The following GPM6B variants were observed in gnomAD, a reference collection of about 807,000 sequenced individuals.
GPM6B encodes the protein glycoprotein M6B.
A neutral mutation model predicts 27.2 loss-of-function variants in GPM6B; 4 were observed. That is an observed-to-expected ratio of 0.15 (90% CI 0.07 to 0.34). The LOEUF is 0.34. Ranked by LOEUF, GPM6B falls within the 10% of genes least tolerant of loss-of-function variation. The pLI is 1.00. For missense variants in GPM6B, 183 were observed against 261.9 expected (o/e 0.70, Z 2.08); for synonymous variants, 124 against 103.1 (o/e 1.20, Z -1.23).
At chrX:13,806,740 C>T (rs989707298) in intron 2 of GPM6B, among the ~76,000 whole-genome samples, 1 of 112,219 alleles carries the variant, frequency 8.9e-6, no homozygotes, top group African/African-American at 3.2e-5. Context: ...TACATTTACT[C>T]CTGAAAAAGT....
intron 1 of GPM6B, among the ~76,000 whole-genome samples, chrX:13,829,162 T>TC (rs1258543270): frequency 1.4e-4 from 16 of 111,607 alleles, no homozygotes; most frequent in East Asian, 1.1e-3. Flanking sequence ...AATCTGGAGT[T>TC]CCCCTTCAAA....
chrX:13,823,355 G>T (rs1412404439), intron 1 of GPM6B, among the ~76,000 whole-genome samples: 1 of 112,110 alleles, frequency 8.9e-6, no homozygotes, highest in African/African-American at 3.2e-5. Flanking sequence ...TGGAACCTCT[G>T]TTAGCCAGTC....
chrX:13,783,433 T>G lies in GPM6B; in HGVS notation c.457A>C (p.Thr153Pro), dbSNP rs749402933. ...CCGTGCAGTTCTTTCACTGCACTTG[T>G]GGTGTAAAAGCCTTCTGCCAACAGA... ...IILLAEGFYT[T>P]SAVKELHGEF... Residue 153 changes from threonine to proline, a missense_variant, in exon 4 of 8, where the codon ACA becomes CCA. Physicochemically the swap from Thr to Pro is conservative, Grantham distance 38. Coordinates refer to ENST00000316715, the MANE Select transcript of GPM6B (RefSeq NM_001001995.3). 1.7e-6 allele frequency: 2 copies of G among 1,205,636 alleles called. No individual in the cohort carries two copies. Among genetic ancestry groups the G allele is most frequent in the South Asian group, 3.5e-5 (2 of 56,576 alleles).
intron 1 of GPM6B, among the ~76,000 whole-genome samples, chrX:13,894,172 G>C (rs1210794566): frequency 2.7e-5 from 3 of 111,902 alleles, no homozygotes; most frequent in Non-Finnish European, 5.6e-5. Flanking sequence ...AAGGAAGACA[G>C]GGAAGCAAAG....
chrX:13,804,419 G>GA (rs1466614332), intron 2 of GPM6B, among the ~76,000 whole-genome samples: 5 of 80,169 alleles, frequency 6.2e-5, no homozygotes, highest in African/African-American at 2.4e-4. Context: ...ATGGACGGCG[G>GA]GGGGGGCGGG....
intron 1 of GPM6B, among the ~76,000 whole-genome samples, chrX:13,862,060 C>T (rs2049858909): frequency 9.1e-6 from 1 of 110,477 alleles, no homozygotes; most frequent in South Asian, 3.9e-4. Context: ...TGTAAATGTG[C>T]GTGGGTGGGG....
intron 1 of GPM6B, among the ~76,000 whole-genome samples, chrX:13,932,641 G>A (rs1921632980): frequency 9.0e-6 from 1 of 111,585 alleles, no homozygotes; most frequent in African/African-American, 3.3e-5. Flanking sequence ...CTTAGAGACT[G>A]GCACATGCTA....
intron 1 of GPM6B, among the ~76,000 whole-genome samples, chrX:13,871,526 T>A (rs1277220073): frequency 2.7e-5 from 3 of 112,168 alleles, no homozygotes; most frequent in Non-Finnish European, 5.6e-5. Flanking sequence ...AGTGTGGCCC[T>A]TAGACCAGCA....
intron 1 of GPM6B, among the ~76,000 whole-genome samples, chrX:13,898,716 G>A (rs1358284111): frequency 1.8e-5 from 2 of 112,206 alleles, no homozygotes; most frequent in African/African-American, 3.2e-5. Context: ...GGTTTGATGT[G>A]TGCTCTTTAT....
chrX:13,773,978 TTC>T, intron 7 of GPM6B: 1 of 726,725 alleles, frequency 1.4e-6, no homozygotes, highest in Non-Finnish European at 1.6e-6. Context: ...TTTTTTTTTT[TTC>T]CAGAGAACTG....
At chrX:13,820,947 C>T (rs1354265656), upstream of GPM6B, among the ~76,000 whole-genome samples, 1 of 110,969 alleles carries the variant, frequency 9.0e-6, no homozygotes, top group African/African-American at 3.3e-5. Context: ...AAAGGAAAAA[C>T]TTTAAAAAGA....
intron 1 of GPM6B, among the ~76,000 whole-genome samples, chrX:13,842,018 T>C (rs2049582227): frequency 8.9e-6 from 1 of 112,290 alleles, no homozygotes; most frequent in African/African-American, 3.2e-5. Flanking sequence ...CACCATGTCA[T>C]AGGTCTATGT....
At chrX:13,930,094 C>T (rs866909470) in intron 1 of GPM6B, among the ~76,000 whole-genome samples, 1 of 111,840 alleles carries the variant, frequency 8.9e-6, no homozygotes, top group African/African-American at 3.2e-5. Context: ...GGTTTAAATA[C>T]TTTTTCTTTT....
At chrX:13,878,177 G>GT (rs2050058823) in intron 1 of GPM6B, among the ~76,000 whole-genome samples, 1 of 109,352 alleles carries the variant, frequency 9.1e-6, no homozygotes, top group African/African-American at 3.3e-5. Context: ...AAAATCAAAG[G>GT]AATCTCCCAA....
intron 1 of GPM6B, among the ~76,000 whole-genome samples, chrX:13,825,402 G>C (rs918187597): frequency 3.6e-5 from 4 of 112,237 alleles, no homozygotes; most frequent in Non-Finnish European, 5.6e-5. Flanking sequence ...AAGGTACAGA[G>C]GAGAAAACCT....
chrX:13,827,513 G>A (rs1362878413), intron 1 of GPM6B, among the ~76,000 whole-genome samples: 1 of 110,843 alleles, frequency 9.0e-6, no homozygotes, highest in African/African-American at 3.3e-5. Flanking sequence ...CTCCCTGGAT[G>A]GCAGTTCCCT....
intron 1 of GPM6B, among the ~76,000 whole-genome samples, chrX:13,923,063 C>T (rs947833806): frequency 9.0e-6 from 1 of 111,293 alleles, no homozygotes; most frequent in African/African-American, 3.3e-5. Context: ...GTAATCTTAG[C>T]TACTTGGGAG....
upstream of GPM6B, among the ~76,000 whole-genome samples, chrX:13,821,139 T>C (rs1240418552): frequency 9.0e-6 from 1 of 111,372 alleles, no homozygotes; most frequent in Non-Finnish European, 1.9e-5. Flanking sequence ...TACCACCAAA[T>C]AGCCTTTGGA....
chrX:13,808,119 A>G (rs769586189), intron 1 of GPM6B, among the ~76,000 whole-genome samples: 2 of 109,622 alleles, frequency 1.8e-5, no homozygotes, highest in Non-Finnish European at 1.9e-5. Context: ...CAGAGCACTA[A>G]CAGAGCACTA....
Sources: gnomAD v4.1 joint callset for allele counts (sites outside exome capture counted in the v4.1 genomes callset) on GRCh38, gnomAD v4.1.1 for gene constraint, MANE v1.5 for transcripts, NCBI Gene and HGNC (gene_info 2026-07-23, HGNC 2026-07-21) for gene names.